MEMO1: variants seen among roughly 807,000 people sequenced by gnomAD.
MEMO1 encodes the protein protein MEMO1.
A neutral mutation model predicts 45.2 loss-of-function variants in MEMO1; 6 were observed. The observed-to-expected ratio is 0.13, with a 90% CI of 0.07 to 0.26. The LOEUF is 0.26. Among genes scored for constraint, MEMO1 ranks in the 10% least tolerant of loss-of-function variants. MEMO1 has a pLI of 1.00. For synonymous variants in MEMO1, 78 were observed against 124.3 expected (o/e 0.63, Z 2.48); for missense variants, 184 against 370.5 (o/e 0.50, Z 4.13).
chr2:31,943,478 TA>T, intron 2 of MEMO1, 95 bp from the exon 3 acceptor site: 1 of 850,980 alleles, frequency 1.2e-6, no homozygotes, highest in Non-Finnish European at 2.0e-6. Context: ...TATGTGGGAC[TA>T]AACTAGCTTA....
At chr2:31,965,945 C>T (rs1326272198) in intron 2 of MEMO1, among the ~76,000 whole-genome samples, 2 of 152,100 alleles carry the variant, frequency 1.3e-5, no homozygotes, top group Non-Finnish European at 2.9e-5. Flanking sequence ...GCACATCCTA[C>T]ACATGTACCT....
chr2:31,910,392 T>C (rs1024823905), intron 6 of MEMO1, among the ~76,000 whole-genome samples: 1 of 152,218 alleles, frequency 6.6e-6, no homozygotes, highest in Non-Finnish European at 1.5e-5. Context: ...TTTTTCTTAT[T>C]CTTAATTGAT....
intron 2 of MEMO1, among the ~76,000 whole-genome samples, chr2:31,975,334 T>C (rs771519408): frequency 2.0e-5 from 3 of 152,216 alleles, no homozygotes; most frequent in African/African-American, 4.8e-5. Context: ...CAAAGCTCCT[T>C]TAGACAAAAC....
chr2:31,983,355 T>C (rs1670885457), intron 2 of MEMO1, among the ~76,000 whole-genome samples: 1 of 152,270 alleles, frequency 6.6e-6, no homozygotes, highest in Admixed American at 6.5e-5. Context: ...ATATATTTCC[T>C]GTCTCTGTCC....
At chr2:31,923,811 T>C in intron 4 of MEMO1, 2 of 1,458,340 alleles carry the variant, frequency 1.4e-6, no homozygotes, top group East Asian at 5.2e-5. Flanking sequence ...ATTTCCTAAG[T>C]AAGTGTAATA....
chr2:31,972,540 T>C (rs890769828), intron 2 of MEMO1, among the ~76,000 whole-genome samples: 4 of 151,776 alleles, frequency 2.6e-5, no homozygotes, highest in African/African-American at 4.8e-5. Context: ...GTGAAACCCC[T>C]TCTCTACTAA....
intron 2 of MEMO1, 105 bp from the exon 3 acceptor site, chr2:31,943,488 T>A: frequency 2.5e-6 from 2 of 789,956 alleles, no homozygotes; most frequent in Non-Finnish European, 2.2e-6. Context: ...TAAACTAGCT[T>A]AATGCGCAAT....
chr2:31,992,535 G>A (rs981374928), intron 2 of MEMO1, among the ~76,000 whole-genome samples: 5 of 152,214 alleles, frequency 3.3e-5, no homozygotes. Context: ...TCTAATCCCA[G>A]CACTTTGGGA....
chr2:31,959,350 A>G (rs941983249), intron 2 of MEMO1, among the ~76,000 whole-genome samples: 1 of 152,212 alleles, frequency 6.6e-6, no homozygotes, highest in Non-Finnish European at 1.5e-5. Context: ...ACTTGGGCAG[A>G]GAAGTAAGAA....
At chr2:31,931,385 T>C (rs938904631) in intron 4 of MEMO1, among the ~76,000 whole-genome samples, 8 of 152,154 alleles carry the variant, frequency 5.3e-5, no homozygotes, top group Non-Finnish European at 1.0e-4. Flanking sequence ...GCTTTACCTA[T>C]TCACATAGCT....
intron 2 of MEMO1, among the ~76,000 whole-genome samples, chr2:31,981,968 T>C (rs1011973458): frequency 3.3e-5 from 5 of 152,184 alleles, no homozygotes; most frequent in Non-Finnish European, 7.3e-5. Context: ...GGATGAAATG[T>C]AGATGGTGAC....
At chr2:31,923,618 G>C (rs1252995131) in intron 4 of MEMO1, 6 of 1,538,420 alleles carry the variant, frequency 3.9e-6, no homozygotes, top group African/African-American at 2.8e-5. Flanking sequence ...AGCCTGACTA[G>C]GGCCAGGTAG....
rs993468091 is a variant in MEMO1 at position 31,938,345 on chromosome 2, TA to T, written c.143+4956del. ...ATGATATGATTTATGCCTATAAAGG[TA>T]AAAAAAAAAAACTAAGAAGGCCAGG... On this transcript the variant is annotated intron_variant, in intron 3 of 9. Transcript: ENST00000404530. 7.9e-3 allele frequency among the ~76,000 whole-genome samples: 1,132 copies of T among 143,010 alleles called. 14 individuals are homozygous for T. The highest frequency in any genetic ancestry group is 0.027 in the African/African-American group (1,054 of 39,204). 93.8% of individuals were successfully genotyped at this position (143,010 alleles called of 152,430 possible).
At chr2:31,914,650 T>TA (rs946465079) in intron 6 of MEMO1, among the ~76,000 whole-genome samples, 17 of 151,710 alleles carry the variant, frequency 1.1e-4, no homozygotes, top group Admixed American at 3.3e-4. Flanking sequence ...TGTTTTCAAT[T>TA]AAAAAAAATG....
At chr2:31,978,550 G>A (rs1670277373) in intron 2 of MEMO1, among the ~76,000 whole-genome samples, 2 of 152,190 alleles carry the variant, frequency 1.3e-5, no homozygotes, top group South Asian at 2.1e-4. Context: ...CTCCCACCTC[G>A]GCTTCCCGAG....
At chr2:31,943,271 C>A in intron 3 of MEMO1, 31 bp downstream of exon 3, 1 of 1,564,640 alleles carries the variant, frequency 6.4e-7, no homozygotes. Flanking sequence ...TCTCAAAAAA[C>A]AAAACAAAAA....
At chr2:31,982,938 G>A (rs1036142063) in intron 2 of MEMO1, among the ~76,000 whole-genome samples, 1 of 151,946 alleles carries the variant, frequency 6.6e-6, no homozygotes, top group East Asian at 1.9e-4. Flanking sequence ...ACAAACTCAT[G>A]TTAAGTTTAA....
chr2:31,908,833 A>G (rs948171729), intron 6 of MEMO1, among the ~76,000 whole-genome samples: 9 of 152,242 alleles, frequency 5.9e-5, no homozygotes, highest in African/African-American at 2.2e-4. Context: ...GACTTGGAGT[A>G]AAAGTAATAC....
At chr2:31,918,457 A>C (rs535534715) in intron 5 of MEMO1, among the ~76,000 whole-genome samples, 1 of 152,274 alleles carries the variant, frequency 6.6e-6, no homozygotes, top group African/African-American at 2.4e-5. Flanking sequence ...ATATGGAAAA[A>C]CCACTAGTCT....
Sources: gnomAD v4.1 joint callset for allele counts (sites outside exome capture counted in the v4.1 genomes callset) on GRCh38, gnomAD v4.1.1 for gene constraint, MANE v1.5 for transcripts, NCBI Gene and HGNC (gene_info 2026-07-23, HGNC 2026-07-21) for gene names.